BIN2: variants seen among roughly 807,000 people sequenced by gnomAD.
BIN2 encodes bridging integrator 2, also known as breast cancer associated protein BRAP1.
Under a neutral mutation model 67.9 loss-of-function variants are expected in BIN2, and 43 were observed. The observed-to-expected ratio is 0.63, with a 90% CI of 0.50 to 0.82. The LOEUF (loss-of-function observed/expected upper bound fraction) is 0.82, where lower values mean the gene tolerates loss of function less well. BIN2 is among the 40% of genes least tolerant of loss of function. BIN2 has a pLI of 0.00. For missense variants in BIN2, 581 were observed against 671.6 expected, an observed-to-expected ratio of 0.87 and a Z score of 1.49; for synonymous variants, 244 against 246.8, an observed-to-expected ratio of 0.99 and a Z score of 0.11.
At chr12:51,319,660 C>A (rs762345687) in intron 1 of BIN2, among the ~76,000 whole-genome samples, 16 of 152,060 alleles carry the variant, frequency 1.1e-4, no homozygotes, top group Admixed American at 4.6e-4. Context: ...GTAAATGTGG[C>A]AAAACGTTAA....
In BIN2 at chr12:51,284,704, A is replaced by G. The variant is rs1303414173; in HGVS notation, c.1668+12T>C. 1 of 1,591,060 alleles carries G rather than the reference A, an allele frequency of 6.3e-7. No homozygotes were observed. Among genetic ancestry groups the G allele is most frequent in the South Asian group, 1.1e-5 (1 of 90,576 alleles). On this transcript the variant is annotated intron_variant, in intron 12 of 12. Transcript: ENST00000615107. ...CTAATGCCCAATCTATTCTCTGTATATCTGGTCTTACCTCTTCTTGAGGTT... is the reference window on the plus strand; with the variant it reads ...CTAATGCCCAATCTATTCTCTGTATGTCTGGTCTTACCTCTTCTTGAGGTT...
chr12:51,324,020 A>G lies in BIN2; in HGVS notation c.81+2T>C. On this transcript the variant is annotated splice_donor_variant, in intron 1 of 12. Transcript: ENST00000615107. LOFTEE classifies it high-confidence loss of function. ...GACAGACAGCGAGGCCCGGCCACCT[A>G]CCTTCTCCTGGGCCCTGCTAAACTT... The G allele has an allele frequency of 6.2e-7, 1 of 1,612,402 alleles. No homozygotes were observed. The highest frequency in any genetic ancestry group is 8.5e-7 in the Non-Finnish European group (1 of 1,179,318).
chr12:51,283,636 C>CA (rs1252060676), intron 12 of BIN2, among the ~76,000 whole-genome samples: 3 of 151,678 alleles, frequency 2.0e-5, no homozygotes, highest in African/African-American at 4.8e-5. Context: ...TAGTTTTTAA[C>CA]AAAAAAAGTT....
In BIN2 at chr12:51,311,622, T is replaced by G. The variant is rs76447320; in HGVS notation, c.162+2201A>C. 4.6e-5 allele frequency among the ~76,000 whole-genome samples: 7 copies of G among 151,840 alleles called. No homozygotes were observed. In the South Asian group the frequency reaches 1.5e-3, roughly 32 times the overall value. On this transcript the variant is annotated intron_variant, in intron 2 of 12. Coordinates refer to ENST00000615107, the MANE Select transcript of BIN2 (RefSeq NM_016293.4). ...TCTTGAATTCCTAGGCTCAATTGAT[T>G]CTCCTGCTTTGGCCTCTCAAAGTGC...
At chr12:51,306,999 G>A (rs187310332) in intron 2 of BIN2, among the ~76,000 whole-genome samples, 32 of 152,118 alleles carry the variant, frequency 2.1e-4, no homozygotes, top group African/African-American at 7.5e-4. Flanking sequence ...AATGAACAAG[G>A]CTTGGCCGGG....
At chr12:51,284,688 A>T in intron 12 of BIN2, 28 bp downstream of exon 12, 1 of 1,551,848 alleles carries the variant, frequency 6.4e-7, no homozygotes, top group Non-Finnish European at 8.9e-7. Flanking sequence ...TCTAATGCCC[A>T]ATCTATTCTC....
rs1265042100 is a variant in BIN2, at chr12:51,305,834, T to C, written c.163-2693A>G. On this transcript the variant is annotated intron_variant, in intron 2 of 12. Transcript: ENST00000615107. The stretch of plus-strand genomic sequence containing the variant: ...AGCTCACTGTTTTCTTTCTTTTTTT[T>C]TTTTTTTTTTTTTTTTTGAGATGGA... Among the ~76,000 whole-genome samples the C allele has an allele frequency of 2.8e-3, 365 of 132,398 alleles. 12 individuals are homozygous for C. The highest frequency in any genetic ancestry group is 0.02 in the Admixed American group (255 of 12,976). 86.9% of individuals were successfully genotyped at this position (132,398 alleles called of 152,430 possible). A position where few individuals can be genotyped will look rare whatever the true frequency, so the allele number is the denominator to read the frequency against.
chr12:51,299,125 CTT>C (rs1945649794), intron 7 of BIN2, 76 bp downstream of exon 7: 2 of 1,011,512 alleles, frequency 2.0e-6, no homozygotes, highest in Middle Eastern at 5.0e-4. Context: ...ATCTAAAACA[CTT>C]TTATCTACTT....
chr12:51,323,948 C>T, intron 1 of BIN2, 74 bp downstream of exon 1: 5 of 1,580,356 alleles, frequency 3.2e-6, no homozygotes, highest in Admixed American at 1.8e-5. Flanking sequence ...CTGCCCGCCC[C>T]TCCTGCCCGG....
chr12:51,291,489 G>T, intron 10 of BIN2, 102 bp downstream of exon 10: 1 of 1,173,646 alleles, frequency 8.5e-7, no homozygotes. Flanking sequence ...ACTGCAATGA[G>T]CTGTGATCGC....
intron 9 of BIN2, among the ~76,000 whole-genome samples, chr12:51,293,106 G>A (rs1592256405): frequency 6.6e-6 from 1 of 152,098 alleles, no homozygotes; most frequent in South Asian, 2.1e-4. Context: ...TGATGAAAAT[G>A]TTGTGACCAG....
At chr12:51,300,822 C>A (rs1945703358) in intron 5 of BIN2, among the ~76,000 whole-genome samples, 1 of 152,140 alleles carries the variant, frequency 6.6e-6, no homozygotes, top group Admixed American at 6.6e-5. Context: ...ATCTTTGAGT[C>A]TATTTCATTT....
intron 5 of BIN2, among the ~76,000 whole-genome samples, chr12:51,300,038 A>G (rs1945681292): frequency 6.6e-6 from 1 of 152,126 alleles, no homozygotes; most frequent in South Asian, 2.1e-4. Context: ...GGGTTTTGCC[A>G]TCTTAGCCAG....
rs2137376581 is a variant in BIN2 at position 51,295,812 on chromosome 12, C to T, written c.745G>A (p.Val249Met). 1 of 1,613,250 alleles carries T rather than the reference C, an allele frequency of 6.2e-7. No individual in the cohort carries two copies. Among genetic ancestry groups the T allele is most frequent in the Non-Finnish European group, 8.5e-7 (1 of 1,179,744 alleles). ...EKQHSNKVFV[V>M]KGLSSSSRRS... Reference sequence around the variant, plus strand: ...GCTGCTCACCTTGACAGTCCCTTCACCACAAAGACTTTATTGGAATGTTGC... The same window carrying T: ...GCTGCTCACCTTGACAGTCCCTTCATCACAAAGACTTTATTGGAATGTTGC... Residue 249 changes from valine to methionine, a missense_variant, in exon 9 of 13, where the codon GTG (valine) becomes ATG (methionine). Physicochemically the swap from Val to Met is conservative, Grantham distance 21 (BLOSUM62 1). Coordinates refer to ENST00000615107, the MANE Select transcript of BIN2 (RefSeq NM_016293.4).
chr12:51,303,452 T>C (rs959072475), intron 2 of BIN2, among the ~76,000 whole-genome samples: 2 of 152,182 alleles, frequency 1.3e-5, no homozygotes, highest in African/African-American at 4.8e-5. Context: ...ATCTATGCAA[T>C]TCTCTGGCTT....
At chr12:51,309,112 T>C (rs1407691369) in intron 2 of BIN2, among the ~76,000 whole-genome samples, 1 of 152,110 alleles carries the variant, frequency 6.6e-6, no homozygotes, top group Admixed American at 6.6e-5. Context: ...GGGTGAGGGA[T>C]AGGGCACATG....
At chr12:51,302,342 A>G (rs764553429) in intron 4 of BIN2, 48 of 543,944 alleles carry the variant, frequency 8.8e-5, no homozygotes, top group Non-Finnish European at 1.4e-4. Context: ...ACAGGGCACA[A>G]GGTCAAAGCC....
chr12:51,290,826 G>A (rs1003063238), intron 10 of BIN2, among the ~76,000 whole-genome samples: 2 of 152,050 alleles, frequency 1.3e-5, no homozygotes, highest in East Asian at 1.9e-4. Context: ...CCAGCTACTC[G>A]GGAGGCTGAG....
chr12:51,302,430 T>C (rs1486867500), intron 4 of BIN2: 5 of 533,192 alleles, frequency 9.4e-6, no homozygotes, highest in African/African-American at 3.8e-5. Flanking sequence ...AACCAATCTT[T>C]AGGAGGTAAA....
Sources: gnomAD v4.1 joint callset for allele counts (sites outside exome capture counted in the v4.1 genomes callset) on GRCh38, gnomAD v4.1.1 for gene constraint, MANE v1.5 for transcripts, NCBI Gene and HGNC (gene_info 2026-07-23, HGNC 2026-07-21) for gene names.